The following ROBO2 variants were observed in gnomAD, a reference collection of about 807,000 sequenced individuals.
ROBO2 encodes roundabout guidance receptor 2.
ROBO2 carries 53 observed loss-of-function variants against 160.8 expected under a neutral mutation model. The observed-to-expected ratio is 0.33, with a 90% CI of 0.26 to 0.41. The LOEUF (loss-of-function observed/expected upper bound fraction) is 0.41. Among genes scored for constraint, ROBO2 ranks in the 10% least tolerant of loss-of-function variants. The pLI, the probability that ROBO2 is intolerant of heterozygous loss-of-function variation, is 1.00. For missense variants in ROBO2, 1,577 were observed against 1,722.4 expected, an observed-to-expected ratio of 0.92 and a Z score of 1.49; for synonymous variants, 664 against 611.7, an observed-to-expected ratio of 1.09 and a Z score of -1.26.
chr3:77,628,565 T>G (rs1456799382), intron 23 of ROBO2, among the ~76,000 whole-genome samples: 10 of 152,166 alleles, frequency 6.6e-5, no homozygotes, highest in Admixed American at 6.5e-4. Context: ...TCAATACATT[T>G]TAGCCATTTT....
At chr3:77,471,874 C>G (rs1433216076) in intron 2 of ROBO2, among the ~76,000 whole-genome samples, 1 of 152,132 alleles carries the variant, frequency 6.6e-6, no homozygotes, top group East Asian at 1.9e-4. Flanking sequence ...CAACATTTCC[C>G]TGGGCTCTGG....
chr3:76,635,822 T>C (rs2090300564), intron 2 of ROBO2, among the ~76,000 whole-genome samples: 1 of 152,248 alleles, frequency 6.6e-6, no homozygotes, highest in South Asian at 2.1e-4. Flanking sequence ...TTGTAGCCAA[T>C]GTTTTCCTAG....
chr3:77,000,327 A>G (rs931980079), intron 2 of ROBO2, among the ~76,000 whole-genome samples: 2 of 151,778 alleles, frequency 1.3e-5, no homozygotes, highest in Non-Finnish European at 2.9e-5. Flanking sequence ...AACAGCAAAT[A>G]TTAACTGCTA....
At chr3:76,262,842 G>T (rs1576157544) in intron 2 of ROBO2, among the ~76,000 whole-genome samples, 1 of 152,234 alleles carries the variant, frequency 6.6e-6, no homozygotes, top group East Asian at 1.9e-4. Context: ...GAGCAATTAT[G>T]CTTGGTAGGG....
At chr3:75,994,145 A>G (rs3892905) in intron 2 of ROBO2, among the ~76,000 whole-genome samples, 44,490 of 151,938 alleles carry the variant, frequency 0.29, 6,952 homozygotes, top group East Asian at 0.36. Flanking sequence ...AGGTGATCCA[A>G]TTAACTTTAG....
intron 2 of ROBO2, among the ~76,000 whole-genome samples, chr3:76,147,795 G>A (rs981810253): frequency 6.6e-6 from 1 of 151,880 alleles, no homozygotes; most frequent in Non-Finnish European, 1.5e-5. Flanking sequence ...GGGGAAGGGG[G>A]ATGAAATCAT....
chr3:77,227,405 A>T (rs943733074), intron 2 of ROBO2, among the ~76,000 whole-genome samples: 3 of 152,216 alleles, frequency 2.0e-5, no homozygotes, highest in Non-Finnish European at 4.4e-5. Flanking sequence ...TATGGCATAA[A>T]TGAATTTGAA....
intron 2 of ROBO2, among the ~76,000 whole-genome samples, chr3:77,004,543 T>G (rs1034912208): frequency 3.9e-5 from 6 of 152,160 alleles, no homozygotes; most frequent in African/African-American, 1.2e-4. Flanking sequence ...TATTTCTAAC[T>G]TATCCAGGAA....
intron 2 of ROBO2, among the ~76,000 whole-genome samples, chr3:77,262,040 A>G (rs753810461): frequency 6.6e-6 from 1 of 152,162 alleles, no homozygotes; most frequent in Non-Finnish European, 1.5e-5. Context: ...AGTGGCTTCA[A>G]GTTGCCCGCC....
chr3:77,568,175 A>G (rs2093541804), intron 12 of ROBO2, 138 bp from the exon 14 acceptor site: 5 of 866,702 alleles, frequency 5.8e-6, no homozygotes, highest in Non-Finnish European at 7.4e-6. Context: ...ATAGGCTTAA[A>G]TGCTTTTTGT....
At chr3:77,163,919 G>T (rs573558769) in intron 2 of ROBO2, among the ~76,000 whole-genome samples, 1 of 152,244 alleles carries the variant, frequency 6.6e-6, no homozygotes, top group East Asian at 1.9e-4. Context: ...AGATAAAATT[G>T]ATATATTCAT....
At chr3:76,215,795 A>T (rs763508897) in intron 2 of ROBO2, among the ~76,000 whole-genome samples, 3 of 152,200 alleles carry the variant, frequency 2.0e-5, no homozygotes, top group Non-Finnish European at 4.4e-5. Flanking sequence ...ATTCAAATTC[A>T]GGAAATACAG....
At chr3:77,467,945 T>C (rs1291973425) in intron 2 of ROBO2, among the ~76,000 whole-genome samples, 3 of 152,192 alleles carry the variant, frequency 2.0e-5, no homozygotes, top group African/African-American at 7.2e-5. Context: ...GTTTTTGTTC[T>C]GCAGCTGAGC....
At chr3:77,391,043 T>G (rs886709519) in intron 2 of ROBO2, among the ~76,000 whole-genome samples, 1 of 152,086 alleles carries the variant, frequency 6.6e-6, no homozygotes, top group African/African-American at 2.4e-5. Context: ...TGAAGTTCAC[T>G]GCATCCCCCT....
At chr3:77,137,652 C>T (rs1227864612) in intron 2 of ROBO2, among the ~76,000 whole-genome samples, 1 of 152,206 alleles carries the variant, frequency 6.6e-6, no homozygotes, top group Non-Finnish European at 1.5e-5. Flanking sequence ...CCACTGATTT[C>T]GAGGGACATC....
intron 2 of ROBO2, among the ~76,000 whole-genome samples, chr3:77,453,548 CTAATGGAGCT>C (rs1487748827): frequency 2.0e-5 from 3 of 152,048 alleles, no homozygotes; most frequent in African/African-American, 7.2e-5. Flanking sequence ...TTTACAGATG[CTAATGGAGCT>C]TCATATAACT....
intron 1 of ROBO2, among the ~76,000 whole-genome samples, chr3:75,921,363 C>A (rs1947042303): frequency 6.6e-6 from 1 of 151,890 alleles, no homozygotes; most frequent in African/African-American, 2.4e-5. Flanking sequence ...CATACACACA[C>A]ACACACATTG....
chr3:77,491,980 T>A (rs559342436), intron 4 of ROBO2, among the ~76,000 whole-genome samples: 4 of 152,224 alleles, frequency 2.6e-5, no homozygotes, highest in Non-Finnish European at 5.9e-5. Context: ...TAAAATCAAA[T>A]ACTCTTATTT....
chr3:76,326,866 G>C (rs1030208391), intron 2 of ROBO2, among the ~76,000 whole-genome samples: 1 of 146,916 alleles, frequency 6.8e-6, no homozygotes, highest in East Asian at 2.0e-4. Context: ...GAGAATATGC[G>C]GTGTTTGGTT....
Sources: gnomAD v4.1 joint callset for allele counts (sites outside exome capture counted in the v4.1 genomes callset) on GRCh38, gnomAD v4.1.1 for gene constraint, MANE v1.5 for transcripts, NCBI Gene and HGNC (gene_info 2026-07-23, HGNC 2026-07-21) for gene names.